The following ARID2 variants were observed in gnomAD, a reference collection of about 807,000 sequenced individuals.
ARID2 encodes the protein AT-rich interactive domain-containing protein 2.
Under a neutral mutation model 184.6 loss-of-function variants are expected in ARID2, and 32 were observed. That is an observed-to-expected ratio of 0.17 (90% confidence interval 0.13 to 0.23). The LOEUF is 0.23. ARID2 is among the 10% of genes least tolerant of loss of function. The pLI is 1.00. For missense variants in ARID2, 1,696 were observed against 2,197.6 expected, an observed-to-expected ratio of 0.77 and a Z score of 4.56; for synonymous variants, 836 against 772.6, an observed-to-expected ratio of 1.08 and a Z score of -1.36.
chr12:45,739,438 CTTTTT>C (rs71067906), intron 3 of ARID2, among the ~76,000 whole-genome samples: 73 of 90,752 alleles, frequency 8.0e-4, no homozygotes, highest in South Asian at 4.8e-3. Flanking sequence ...TATAAAGTTA[CTTTTT>C]TTTTTTTTTT....
intron 3 of ARID2, among the ~76,000 whole-genome samples, chr12:45,784,520 A>T (rs1310455191): frequency 6.6e-6 from 1 of 152,172 alleles, no homozygotes; most frequent in African/African-American, 2.4e-5. Context: ...TCTACAAAAA[A>T]TACAAAAATT....
At chr12:45,786,995 G>A (rs1428628610) in intron 3 of ARID2, among the ~76,000 whole-genome samples, 1 of 152,096 alleles carries the variant, frequency 6.6e-6, no homozygotes, top group East Asian at 1.9e-4. Context: ...GTGGAGATGG[G>A]GGAGATGTCG....
intron 16 of ARID2, among the ~76,000 whole-genome samples, chr12:45,887,586 T>C (rs1461825230): frequency 6.6e-6 from 1 of 152,134 alleles, no homozygotes; most frequent in East Asian, 1.9e-4. Context: ...ATTAGGCTCA[T>C]AGACACATGG....
At chr12:45,859,335 A>G (rs1943703546) in intron 15 of ARID2, among the ~76,000 whole-genome samples, 1 of 152,194 alleles carries the variant, frequency 6.6e-6, no homozygotes, top group South Asian at 2.1e-4. Context: ...AGGCTATTCC[A>G]TATAGCCTAG....
intron 6 of ARID2, among the ~76,000 whole-genome samples, chr12:45,831,915 CTTA>C (rs1364316588): frequency 3.9e-5 from 6 of 152,094 alleles, no homozygotes; most frequent in African/African-American, 1.2e-4. Flanking sequence ...CTACAGCTTT[CTTA>C]TTATGTTGTC....
chr12:45,786,761 G>A (rs1377424839), intron 3 of ARID2, among the ~76,000 whole-genome samples: 1 of 152,188 alleles, frequency 6.6e-6, no homozygotes, highest in African/African-American at 2.4e-5. Context: ...TGACAGATGA[G>A]TGCACGGAGA....
rs143422226 is a variant in ARID2 at position 45,874,302 on chromosome 12, C to T, written c.4922+13353C>T. The T allele has an allele frequency of 1.7e-3, 268 of 161,344 alleles. 1 individual carries two copies. The highest frequency in any genetic ancestry group is 5.9e-3 in the African/African-American group (246 of 41,608). The allele number at this position is 161,344 out of a possible 1,614,324, so 10.0% of individuals were successfully genotyped here. ...CCTGTAAATAGCCACTGCACTCCAA[C>T]CTGGACAATAGAGCAAGACCCTGTC... On this transcript the variant is annotated intron_variant, in intron 16 of 20. Transcript: ENST00000334344.
At chr12:45,839,249 C>A in intron 10 of ARID2, 80 bp from the exon 11 acceptor site, 1 of 1,256,974 alleles carries the variant, frequency 8.0e-7, no homozygotes, top group Non-Finnish European at 1.1e-6. Flanking sequence ...GATAAGTATT[C>A]TGTACAACAT....
Position 45,811,459 on chromosome 12 carries a change from A to G in ARID2, c.326A>G (p.Asp109Gly), listed in dbSNP as rs1942707512. 1 of 1,613,348 alleles carries G rather than the reference A, an allele frequency of 6.2e-7. No individual in the cohort carries two copies. Among genetic ancestry groups the G allele is most frequent in the Non-Finnish European group, 8.5e-7 (1 of 1,179,596 alleles). The change falls in exon 4 of 21, where the codon GAT becomes GGT. Residue 109 changes from aspartate to glycine, a missense_variant. By Grantham distance (94) the Asp-to-Gly change is moderately conservative (BLOSUM62 -1). Transcript: ENST00000334344. The stretch of plus-strand genomic sequence containing the variant: ...GAGAAAGTTCATCATTTTGGGGAGG[A>G]TGATGATGAGGTACCACCAGGCAAT... Reference protein sequence around the residue: ...KYEKVHHFGEDDDEVPPGNPK... With the variant: ...KYEKVHHFGEGDDEVPPGNPK...
chr12:45,842,129 C>G (rs1466584412), intron 11 of ARID2: 2 of 151,414 alleles, frequency 1.3e-5, no homozygotes, highest in African/African-American at 4.9e-5. Context: ...CATGGTGATG[C>G]ATGCGTGTAG....
In ARID2 at chr12:45,798,897, C is replaced by A. The variant is rs142109223; in HGVS notation, c.285-12521C>A. ...GTGTTTTCCTCTAGAAATCTCTTTT[C>A]TTCAGACTGTAATTATATTCTTATA... On this transcript the variant is annotated intron_variant, in intron 3 of 20. Coordinates refer to ENST00000334344, the MANE Select transcript of ARID2 (RefSeq NM_152641.4). Among the ~76,000 whole-genome samples, 92 of 151,746 alleles carry A rather than the reference C, an allele frequency of 6.1e-4. 1 individual carries two copies. In the East Asian group the frequency reaches 0.016, roughly 26 times the overall value.
At chr12:45,784,024 G>C (rs891108787) in intron 3 of ARID2, among the ~76,000 whole-genome samples, 4 of 152,120 alleles carry the variant, frequency 2.6e-5, no homozygotes, top group Admixed American at 6.5e-5. Flanking sequence ...GGGTCTCACT[G>C]TGTTGCCTGG....
chr12:45,808,736 CG>C (rs1942645810), intron 3 of ARID2, among the ~76,000 whole-genome samples: 3 of 147,504 alleles, frequency 2.0e-5, no homozygotes, highest in African/African-American at 7.5e-5. Context: ...TGTTTGCGTG[CG>C]TGTGTGTGTG....
At chr12:45,898,829 G>T (rs533862278) in intron 20 of ARID2, among the ~76,000 whole-genome samples, 2 of 150,060 alleles carry the variant, frequency 1.3e-5, no homozygotes, top group African/African-American at 2.5e-5. Flanking sequence ...CAGGAGAATC[G>T]CTTGAACCCA....
rs192478995 is a variant in ARID2, at chr12:45,872,454, G to A, written c.4922+11505G>A. On this transcript the variant is annotated intron_variant, in intron 16 of 20. Transcript: ENST00000334344. Reference sequence around the variant, plus strand: ...CTCACACTGCTTTAAGGACATACCCGAGACTGGGTAACTTATAAAGAATAA... The same window carrying A: ...CTCACACTGCTTTAAGGACATACCCAAGACTGGGTAACTTATAAAGAATAA... 5.3e-5 allele frequency among the ~76,000 whole-genome samples: 8 copies of A among 152,226 alleles called. No individual in the cohort carries two copies. The East Asian group carries it at 1.2e-3, about 22-fold the overall frequency.
chr12:45,762,884 C>G (rs967599804), intron 3 of ARID2, among the ~76,000 whole-genome samples: 1 of 152,152 alleles, frequency 6.6e-6, no homozygotes, highest in Non-Finnish European at 1.5e-5. Context: ...TGTCTCTTTC[C>G]TCATGCATCA....
At chr12:45,862,726 T>C (rs1592128502) in intron 16 of ARID2, among the ~76,000 whole-genome samples, 1 of 152,142 alleles carries the variant, frequency 6.6e-6, no homozygotes, top group East Asian at 1.9e-4. Flanking sequence ...TTAGATGAAG[T>C]GTTTAGGTTA....
chr12:45,729,881 G>A lies in ARID2; in HGVS notation c.45G>A (p.Lys15=). The change falls in exon 1 of 21, where the codon AAG becomes AAA. Residue 15 remains lysine, a synonymous_variant. Transcript: ENST00000334344. The part of the protein sequence containing the change: ...TGKAPPDERR[K]GLAFLDELRQ... ...AGGCGCCTCCGGACGAGCGGAGAAA[G>A]GGACTCGCTTTCCTGGACGAGCTGC... The A allele has an allele frequency of 6.2e-7, 1 of 1,611,708 alleles. No individual in the cohort carries two copies. The highest frequency in any genetic ancestry group is 2.2e-5 in the East Asian group (1 of 44,814).
intron 3 of ARID2, among the ~76,000 whole-genome samples, chr12:45,810,951 T>G (rs1942694979): frequency 6.6e-6 from 1 of 152,100 alleles, no homozygotes; most frequent in South Asian, 2.1e-4. Context: ...GGCTCATGCC[T>G]GTAATCCCAG....
Sources: gnomAD v4.1 joint callset for allele counts (sites outside exome capture counted in the v4.1 genomes callset) on GRCh38, gnomAD v4.1.1 for gene constraint, MANE v1.5 for transcripts, NCBI Gene and HGNC (gene_info 2026-07-23, HGNC 2026-07-21) for gene names.